Variants in ST6GALNAC5 observed in about 807,000 individuals in gnomAD.
The protein encoded by ST6GALNAC5 is alpha-N-acetylgalactosaminide alpha-2,6-sialyltransferase 5.
Under a neutral mutation model 33.6 loss-of-function variants are expected in ST6GALNAC5, and 27 were observed. The ratio of observed to expected loss-of-function variants is 0.80; its 90% confidence interval spans 0.59 to 1.11. ST6GALNAC5 has a LOEUF of 1.11. ST6GALNAC5 is among the 50% of genes least tolerant of loss of function. The probability of loss-of-function intolerance (pLI) is 0.00; values close to 1 mark genes in which losing one functional copy is unlikely to be tolerated. For synonymous variants in ST6GALNAC5, 194 were observed against 171.2 expected, an observed-to-expected ratio of 1.13 and a Z score of -1.04; for missense variants, 428 against 454.0, an observed-to-expected ratio of 0.94 and a Z score of 0.52.
At position 77,066,458 on chromosome 1, in the gene ST6GALNAC5, A is replaced by G. The variant is rs1652781820; in HGVS notation, c.*3252A>G. Among the ~76,000 whole-genome samples, 1 of 152,224 alleles carries G rather than the reference A, an allele frequency of 6.6e-6. No homozygotes were observed. Among genetic ancestry groups the G allele is most frequent in the Non-Finnish European group, 1.5e-5 (1 of 68,046 alleles). On this transcript the variant is annotated 3_prime_UTR_variant, in exon 5 of 5. Coordinates refer to ENST00000477717, the MANE Select transcript of ST6GALNAC5 (RefSeq NM_030965.3). ...GAAATAAAAACTCCCCTCAAAAATT[A>G]AAATTACCGACTTAGAAGATGATAA... is the stretch of plus-strand genomic sequence containing the variant.
At chr1:77,052,615 C>T (rs1395009636) in intron 4 of ST6GALNAC5, among the ~76,000 whole-genome samples, 3 of 151,826 alleles carry the variant, frequency 2.0e-5, no homozygotes, top group Admixed American at 6.6e-5. Flanking sequence ...TTGAGAGTTT[C>T]CCTGAAAGAT....
intron 2 of ST6GALNAC5, among the ~76,000 whole-genome samples, chr1:76,873,459 A>G (rs752847843): frequency 3.3e-5 from 5 of 152,238 alleles, no homozygotes; most frequent in Non-Finnish European, 7.3e-5. Flanking sequence ...AGGACCTACA[A>G]CAATATCTAA....
chr1:76,947,099 G>T (rs1442206587), intron 2 of ST6GALNAC5, among the ~76,000 whole-genome samples: 1 of 152,016 alleles, frequency 6.6e-6, no homozygotes, highest in Non-Finnish European at 1.5e-5. Context: ...GAACAAAAAT[G>T]CAATCAGCTC....
At chr1:76,995,976 G>A (rs560201324) in intron 2 of ST6GALNAC5, among the ~76,000 whole-genome samples, 2 of 152,312 alleles carry the variant, frequency 1.3e-5, no homozygotes, top group African/African-American at 4.8e-5. Context: ...ACCTTTGGAA[G>A]TTCTCTTAGT....
At chr1:76,871,357 T>C (rs1297030181) in intron 2 of ST6GALNAC5, 1 of 152,242 alleles carries the variant, frequency 6.6e-6, no homozygotes, top group East Asian at 1.9e-4. Context: ...CAGCCTTTTT[T>C]ATCTGCCATT....
intron 2 of ST6GALNAC5, among the ~76,000 whole-genome samples, chr1:76,878,159 T>C (rs751049534): frequency 2.0e-5 from 3 of 152,236 alleles, no homozygotes; most frequent in Non-Finnish European, 4.4e-5. Flanking sequence ...CTGCAATCCC[T>C]ACAGGGATGC....
chr1:76,882,997 T>G (rs1289945284), intron 2 of ST6GALNAC5, among the ~76,000 whole-genome samples: 1 of 152,182 alleles, frequency 6.6e-6, no homozygotes, highest in Non-Finnish European at 1.5e-5. Context: ...CTGCTTTACC[T>G]TCAGCACCTC....
intron 2 of ST6GALNAC5, among the ~76,000 whole-genome samples, chr1:76,980,723 T>C (rs1649215010): frequency 6.6e-6 from 1 of 152,148 alleles, no homozygotes; most frequent in Admixed American, 6.5e-5. Context: ...AATTAACTCA[T>C]AATGAATCAA....
Position 76,969,456 on chromosome 1 carries a change from G to T in ST6GALNAC5, c.262-74748G>T, listed in dbSNP as rs111831926. Among the ~76,000 whole-genome samples the T allele has an allele frequency of 4.4e-3, 670 of 152,304 alleles. 6 individuals carry two copies. The highest frequency in any genetic ancestry group is 0.014 in the African/African-American group (598 of 41,592). ...CAGCAGTCTGAGATCAACCTGCAAGGCAGTAGCCTGTCAGGGAGAGGGGCA... is the reference window on the plus strand; with the variant it reads ...CAGCAGTCTGAGATCAACCTGCAAGTCAGTAGCCTGTCAGGGAGAGGGGCA... On this transcript the variant is annotated intron_variant, in intron 2 of 4. Coordinates refer to ENST00000477717, the MANE Select transcript of ST6GALNAC5 (RefSeq NM_030965.3).
At chr1:77,010,726 C>T (rs758454944) in intron 2 of ST6GALNAC5, among the ~76,000 whole-genome samples, 4 of 152,100 alleles carry the variant, frequency 2.6e-5, no homozygotes, top group African/African-American at 4.8e-5. Flanking sequence ...CCAGGACACC[C>T]CAACACTCTG....
chr1:76,881,290 A>G (rs909111145), intron 2 of ST6GALNAC5, among the ~76,000 whole-genome samples: 3 of 152,164 alleles, frequency 2.0e-5, no homozygotes, highest in Non-Finnish European at 4.4e-5. Flanking sequence ...AGTCTTAAAC[A>G]CTTAGTCTGG....
chr1:76,892,224 A>G (rs755218913), intron 2 of ST6GALNAC5, among the ~76,000 whole-genome samples: 5 of 152,212 alleles, frequency 3.3e-5, no homozygotes, highest in Non-Finnish European at 7.4e-5. Flanking sequence ...GAGTGTTACT[A>G]TGGACAGAAA....
intron 2 of ST6GALNAC5, among the ~76,000 whole-genome samples, chr1:77,030,114 CTA>C (rs571505034): frequency 2.9e-4 from 44 of 152,262 alleles, no homozygotes; most frequent in African/African-American, 1.0e-3. Flanking sequence ...CCTCCCATTT[CTA>C]TGTTTCTCTG....
At chr1:76,926,008 A>G (rs561041794) in intron 2 of ST6GALNAC5, among the ~76,000 whole-genome samples, 1 of 152,130 alleles carries the variant, frequency 6.6e-6, no homozygotes, top group South Asian at 2.1e-4. Flanking sequence ...AGTTCGCAGA[A>G]CTCTGACAGC....
At chr1:76,994,321 C>T (rs1445695385) in intron 2 of ST6GALNAC5, among the ~76,000 whole-genome samples, 4 of 152,130 alleles carry the variant, frequency 2.6e-5, no homozygotes, top group Non-Finnish European at 5.9e-5. Context: ...CAGACAGCTC[C>T]ATAAAAGAAT....
chr1:76,907,696 G>T (rs1389910884), intron 2 of ST6GALNAC5, among the ~76,000 whole-genome samples: 1 of 152,104 alleles, frequency 6.6e-6, no homozygotes, highest in African/African-American at 2.4e-5. Context: ...TGGATGCCAT[G>T]TGTTTCATTG....
intron 2 of ST6GALNAC5, among the ~76,000 whole-genome samples, chr1:76,884,270 TAA>T (rs1352762090): frequency 6.6e-6 from 1 of 152,206 alleles, no homozygotes; most frequent in East Asian, 1.9e-4. Context: ...CAATTGCTGG[TAA>T]AGAGAGCTGA....
At chr1:76,994,109 C>T (rs1474539423) in intron 2 of ST6GALNAC5, among the ~76,000 whole-genome samples, 2 of 152,124 alleles carry the variant, frequency 1.3e-5, no homozygotes, top group African/African-American at 2.4e-5. Context: ...CTTGCAAGGT[C>T]ATATTTCACA....
intron 4 of ST6GALNAC5, among the ~76,000 whole-genome samples, chr1:77,053,343 T>C (rs1652290727): frequency 6.6e-6 from 1 of 152,158 alleles, no homozygotes; most frequent in Admixed American, 6.5e-5. Context: ...CCCATTGGAA[T>C]ATAGCCTCCC....
Sources: allele counts gnomAD v4.1 joint callset (sites outside exome capture counted in the v4.1 genomes callset), GRCh38; gene constraint gnomAD v4.1.1; transcripts MANE v1.5; gene names NCBI Gene and HGNC (gene_info 2026-07-23, HGNC 2026-07-21).